The following NSD1 variants were observed in gnomAD, a reference collection of about 807,000 sequenced individuals.
NSD1 encodes histone-lysine N-methyltransferase, H3 lysine-36 specific.
Under a neutral mutation model 242.7 loss-of-function variants are expected in NSD1, and 26 were observed. That is an observed-to-expected ratio of 0.11 (90% CI 0.08 to 0.15). NSD1 has a LOEUF of 0.15. Among genes scored for constraint, NSD1 ranks in the 10% least tolerant of loss-of-function variants. The pLI is 1.00. For missense variants in NSD1, 2,495 were observed against 3,272.8 expected, an observed-to-expected ratio of 0.76 and a Z score of 5.80; for synonymous variants, 1,106 against 1,178.1, an observed-to-expected ratio of 0.94 and a Z score of 1.25.
chr5:177,255,515 T>C (rs1756358339), intron 12 of NSD1, among the ~76,000 whole-genome samples: 1 of 152,182 alleles, frequency 6.6e-6, no homozygotes, highest in Admixed American at 6.6e-5. Flanking sequence ...TAGGCTCTTT[T>C]TCTTATGTTG....
At chr5:177,260,257 C>T in intron 14 of NSD1, 89 bp downstream of exon 14, 1 of 1,249,764 alleles carries the variant, frequency 8.0e-7, no homozygotes. Flanking sequence ...CATCATATTG[C>T]CACTGGAAAA....
At position 177,210,294 on chromosome 5, in the gene NSD1, G is replaced by A. The variant is rs201702515; in HGVS notation, c.1895G>A (p.Arg632Gln). The change falls in exon 5 of 23, where the codon CGA becomes CAA. Residue 632 changes from arginine (R) to glutamine (Q), a missense_variant. Arg to Gln is a conservative substitution (Grantham distance 43). This residue lies in a region of NSD1 where 515 missense variants were observed against 467.0 expected (regional missense o/e 1.10). Coordinates refer to ENST00000439151, the MANE Select transcript of NSD1 (RefSeq NM_022455.5). Reference sequence around the variant, plus strand: ...ATTGGAGCAGGTGATGAGGAAAAGCGAAGTGATTCCATTAGTATCTGTACC... The same window carrying A: ...ATTGGAGCAGGTGATGAGGAAAAGCAAAGTGATTCCATTAGTATCTGTACC... ...CYIGAGDEEK[R>Q]SDSISICTTS... 3.0e-5 allele frequency: 49 copies of A among 1,610,698 alleles called. No individual in the cohort carries two copies. Among genetic ancestry groups the A allele is most frequent in the South Asian group, 8.8e-5 (8 of 90,758 alleles).
rs756744849 is a variant in NSD1 at position 177,211,582 on chromosome 5, T to G, written c.3183T>G (p.Ser1061Arg). ...AAAGAAAACTGAATCAGCTTCCAAG[T>G]GTGACTCTTGATGCTGTACTGCAGG... Reference protein sequence around the residue: ...ERKRKLNQLPSVTLDAVLQGD... With the variant: ...ERKRKLNQLPRVTLDAVLQGD... The change falls in exon 5 of 23, where the codon AGT becomes AGG. Residue 1061 changes from serine (S) to arginine (R), a missense_variant. Transcript: ENST00000439151. 2 of 1,614,008 alleles carry G rather than the reference T, an allele frequency of 1.2e-6. No individual in the cohort carries two copies. Among genetic ancestry groups the G allele is most frequent in the Non-Finnish European group, 1.7e-6 (2 of 1,180,008 alleles).
At chr5:177,159,395 G>A (rs969017986) in intron 2 of NSD1, among the ~76,000 whole-genome samples, 1 of 150,938 alleles carries the variant, frequency 6.6e-6, no homozygotes, top group Non-Finnish European at 1.5e-5. Flanking sequence ...CGATTCCGGT[G>A]CCTCAGCTTC....
rs981109099 is a variant in NSD1, at chr5:177,273,934, G to T, written c.5622+150G>T. ...AAGAAGATCAGAAATAGCCGGGCAC[G>T]GTGGCTCACGCTTGTAATCCCAGCA... is the stretch of plus-strand genomic sequence containing the variant. On this transcript the variant is annotated intron_variant, in intron 17 of 22. Transcript: ENST00000439151. 5.0e-6 allele frequency: 3 copies of T among 604,676 alleles called. No individual in the cohort carries two copies. In the South Asian group the frequency reaches 5.3e-5, roughly 11 times the overall value. The allele number at this position is 604,676 out of a possible 1,614,324, so 37.5% of individuals were successfully genotyped here.
In NSD1 at chr5:177,135,246, T is replaced by A; in HGVS notation, c.143T>A (p.Met48Lys). ...TCTGAGCCACTTAATGGGTGTACTA[T>A]GCAGTTATCGACTGTCAGTGGAACA... ...NFSEPLNGCT[M>K]QLSTVSGTSQ... The change falls in exon 2 of 23, where the codon ATG becomes AAG. Residue 48 changes from methionine to lysine, a missense_variant. This residue lies in a region of NSD1 where 376 missense variants were observed against 367.4 expected (regional missense o/e 1.02). Coordinates refer to ENST00000439151, the MANE Select transcript of NSD1 (RefSeq NM_022455.5). 1 of 1,613,922 alleles carries A rather than the reference T, an allele frequency of 6.2e-7. No individual in the cohort carries two copies. Among genetic ancestry groups the A allele is most frequent in the Non-Finnish European group, 8.5e-7 (1 of 1,179,766 alleles).
At chr5:177,265,075 T>G (rs186796953) in intron 14 of NSD1, 2 of 754,720 alleles carry the variant, frequency 2.6e-6, no homozygotes, top group African/African-American at 3.4e-5. Context: ...CAAGATAGCT[T>G]CCTGAAACAT....
intron 2 of NSD1, among the ~76,000 whole-genome samples, chr5:177,158,081 G>A (rs1319167437): frequency 1.3e-5 from 2 of 152,130 alleles, no homozygotes; most frequent in African/African-American, 4.8e-5. Flanking sequence ...AAGTTTTAGC[G>A]TGAATATATG....
intron 22 of NSD1, 37 bp from the exon 23 acceptor site, chr5:177,293,793 CTT>C (rs773700700): frequency 1.2e-5 from 19 of 1,611,272 alleles, no homozygotes; most frequent in Non-Finnish European, 1.6e-5. Flanking sequence ...ATATGTATCT[CTT>C]TTTTCCTAAA....
chr5:177,208,080 C>CT (rs1393839783), intron 4 of NSD1, among the ~76,000 whole-genome samples: 1 of 152,144 alleles, frequency 6.6e-6, no homozygotes, highest in Non-Finnish European at 1.5e-5. Flanking sequence ...TGAATGTTTA[C>CT]TTGCTCTGCA....
At chr5:177,255,545 A>G (rs1475379440) in intron 12 of NSD1, among the ~76,000 whole-genome samples, 1 of 151,914 alleles carries the variant, frequency 6.6e-6, no homozygotes, top group African/African-American at 2.4e-5. Context: ...TCACAGAGAG[A>G]TAGAGGTCTG....
chr5:177,139,947 A>C (rs1404103415), intron 2 of NSD1, among the ~76,000 whole-genome samples: 2 of 152,098 alleles, frequency 1.3e-5, no homozygotes, highest in African/African-American at 4.8e-5. Flanking sequence ...CTGTCAAAAA[A>C]AAAAAAAAAG....
chr5:177,292,802 A>AT (rs1759949089), intron 22 of NSD1, among the ~76,000 whole-genome samples: 1 of 152,162 alleles, frequency 6.6e-6, no homozygotes, highest in African/African-American at 2.4e-5. Context: ...TTGAGTAGTG[A>AT]TTTGGGGTTA....
intron 2 of NSD1, among the ~76,000 whole-genome samples, chr5:177,145,060 G>C (rs1757122855): frequency 6.7e-6 from 1 of 150,080 alleles, no homozygotes; most frequent in African/African-American, 2.5e-5. Flanking sequence ...ACTCCAGCCT[G>C]GGTGACAGAG....
intron 20 of NSD1, among the ~76,000 whole-genome samples, chr5:177,286,724 A>G (rs929232198): frequency 6.6e-6 from 1 of 152,202 alleles, no homozygotes; most frequent in African/African-American, 2.4e-5. Context: ...ATTTAGTTCT[A>G]CTATGTCTGC....
intron 4 of NSD1, among the ~76,000 whole-genome samples, chr5:177,207,484 A>G (rs769906064): frequency 8.1e-5 from 12 of 147,556 alleles, no homozygotes; most frequent in Non-Finnish European, 1.3e-4. Flanking sequence ...GGGTTTCACC[A>G]TGTTAGCCAG....
chr5:177,246,624 AT>A, intron 9 of NSD1, 53 bp from the exon 10 acceptor site: 1 of 1,176,158 alleles, frequency 8.5e-7, no homozygotes, highest in Non-Finnish European at 1.3e-6. Flanking sequence ...AGGATAAGAG[AT>A]TTTGGACATG....
Position 177,295,420 on chromosome 5 carries a change from T to C in NSD1, c.8052T>C (p.Ala2684=). Residue 2684 remains alanine, a synonymous_variant, in exon 23 of 23, where the codon GCT becomes GCC. Coordinates refer to ENST00000439151, the MANE Select transcript of NSD1 (RefSeq NM_022455.5). The surrounding 1 kb of genome is among the most constrained non-coding windows in gnomAD (Gnocchi z 4.3). Reference sequence around the variant, plus strand: ...ATACACTTCCAGCTCTTAACCAGGCTCCTTCCAGTCACAAGTGTGCAGAAT... The same window carrying C: ...ATACACTTCCAGCTCTTAACCAGGCCCCTTCCAGTCACAAGTGTGCAGAAT... ...EQNTLPALNQ[A]PSSHKCAESE... 1 of 1,614,142 alleles carries C rather than the reference T, an allele frequency of 6.2e-7. No individual in the cohort carries two copies. The highest frequency in any genetic ancestry group is 8.5e-7 in the Non-Finnish European group (1 of 1,180,020).
At chr5:177,152,130 G>C (rs538032846) in intron 2 of NSD1, among the ~76,000 whole-genome samples, 1 of 152,072 alleles carries the variant, frequency 6.6e-6, no homozygotes, top group African/African-American at 2.4e-5. Context: ...AAAGTGCTGG[G>C]ATTACAGGTG....
Sources: gnomAD v4.1 joint callset for allele counts (sites outside exome capture counted in the v4.1 genomes callset) on GRCh38, gnomAD v4.1.1 for gene constraint, gnomAD v4.1.1 regional missense constraint, Gnocchi (gnomAD v3.1) non-coding constraint, MANE v1.5 for transcripts, NCBI Gene and HGNC (gene_info 2026-07-23, HGNC 2026-07-21) for gene names.